Variants in DRC1 observed in about 807,000 individuals in gnomAD.
The protein encoded by DRC1 is dynein regulatory complex protein 1.
A neutral mutation model predicts 98.7 loss-of-function variants in DRC1; 74 were observed. The observed-to-expected ratio is 0.75, with a 90% CI of 0.62 to 0.91. The LOEUF is 0.91. DRC1 is among the 40% of genes least tolerant of loss of function. DRC1 has a pLI of 0.00. For missense variants in DRC1, 875 were observed against 886.0 expected (o/e 0.99, Z 0.16); for synonymous variants, 336 against 334.1 (o/e 1.01, Z -0.06).
intron 13 of DRC1, 88 bp from the exon 14 acceptor site, chr2:26,453,232 C>G (rs1272220867): frequency 3.3e-6 from 5 of 1,514,646 alleles, no homozygotes; most frequent in Non-Finnish European, 4.5e-6. Context: ...TTTCTGTAAA[C>G]TTTTCTGGTT....
intron 1 of DRC1, among the ~76,000 whole-genome samples, chr2:26,410,483 G>A (rs545432919): frequency 1.3e-5 from 2 of 152,114 alleles, no homozygotes; most frequent in South Asian, 2.1e-4. Context: ...TGTTGGCCAG[G>A]CTGGTCTCGA....
intron 2 of DRC1, among the ~76,000 whole-genome samples, chr2:26,420,185 T>G (rs533924873): frequency 6.6e-6 from 1 of 152,234 alleles, no homozygotes; most frequent in South Asian, 2.1e-4. Context: ...GTACACCTTT[T>G]CCCCTTAAAG....
At chr2:26,414,695 G>A (rs1157565824) in intron 2 of DRC1, among the ~76,000 whole-genome samples, 1 of 152,278 alleles carries the variant, frequency 6.6e-6, no homozygotes, top group African/African-American at 2.4e-5. Context: ...TAGCTTGGGC[G>A]CTCAAGGCCT....
intron 3 of DRC1, among the ~76,000 whole-genome samples, chr2:26,421,665 A>G (rs1663147400): frequency 6.8e-6 from 1 of 147,368 alleles, no homozygotes; most frequent in Admixed American, 7.0e-5. Context: ...GGTTCAAGTG[A>G]TTCTCCTGCC....
At position 26,456,607 on chromosome 2, in the gene DRC1, G is replaced by C; in HGVS notation, c.*90G>C. On this transcript the variant is annotated 3_prime_UTR_variant, in exon 17 of 17. Transcript: ENST00000288710. ...TCATATCACCCACTGGGCCGCACCT[G>C]GGCCTGCTCTCTGGATTTTCCAGGG... The C allele has an allele frequency of 4.7e-6, 7 of 1,499,810 alleles. No individual in the cohort carries two copies. Among genetic ancestry groups the C allele is most frequent in the South Asian group, 4.6e-5 (4 of 86,670 alleles). The allele number at this position is 1,499,810 out of a possible 1,614,324, so 92.9% of individuals were successfully genotyped here. A position where few individuals can be genotyped will look rare whatever the true frequency, so the allele number is the denominator to read the frequency against.
rs1298667996 is a variant in DRC1, at chr2:26,453,333, G to A, written c.1703G>A (p.Ser568Asn). ...ATCTTTCTCCAGATCAAGCCCTGCA[G>A]TCAGGCGAGCATGGAGAAGGCGAGC... ...LSSSLQIKPCSQASMEKASME... is the reference protein window; with the variant it reads ...LSSSLQIKPCNQASMEKASME... The change falls in exon 14 of 17, where the codon AGT becomes AAT. Residue 568 changes from serine to asparagine, a missense_variant. By Grantham distance (46) the Ser-to-Asn change is conservative. Transcript: ENST00000288710. The A allele has an allele frequency of 1.2e-6, 2 of 1,614,200 alleles. No individual in the cohort carries two copies. Among genetic ancestry groups the A allele is most frequent in the South Asian group, 2.2e-5 (2 of 91,088 alleles).
chr2:26,430,533 G>A, intron 5 of DRC1: 1 of 569,652 alleles, frequency 1.8e-6, no homozygotes, highest in Non-Finnish European at 3.4e-6. Context: ...CCCTGCCTCT[G>A]ATATTGACTA....
chr2:26,456,638 T>C lies in DRC1; in HGVS notation c.*121T>C, dbSNP rs1664185970. On this transcript the variant is annotated 3_prime_UTR_variant, in exon 17 of 17. Coordinates refer to ENST00000288710, the MANE Select transcript of DRC1 (RefSeq NM_145038.5). ...GCTCTCTGGATTTTCCAGGGCTGTC[T>C]TTATAGCCTGTCGAAATAAGGAGCC... is the stretch of plus-strand genomic sequence containing the variant. 2 of 1,163,166 alleles carry C rather than the reference T, an allele frequency of 1.7e-6. No homozygotes were observed. Among genetic ancestry groups the C allele is most frequent in the South Asian group, 1.4e-5 (1 of 72,216 alleles). The allele number at this position is 1,163,166 out of a possible 1,614,324, so 72.1% of individuals were successfully genotyped here.
chr2:26,429,840 T>C, intron 5 of DRC1, 75 bp downstream of exon 5: 1 of 1,506,270 alleles, frequency 6.6e-7, no homozygotes, highest in Non-Finnish European at 9.0e-7. Flanking sequence ...GTCCTAATAA[T>C]CTAAGGAGGG....
At chr2:26,452,101 A>G (rs1664021864) in intron 13 of DRC1, among the ~76,000 whole-genome samples, 1 of 152,234 alleles carries the variant, frequency 6.6e-6, no homozygotes, top group Admixed American at 6.5e-5. Flanking sequence ...CGCAAAAAAA[A>G]AAAAAGCTTG....
rs1443441360 is a variant in DRC1, at chr2:26,456,538, T to C, written c.*21T>C. ...AATGAGCTGGACCGCCAAAGGCTGA[T>C]GTGTTAGGGCTGGCCTGATGCTGGT... On this transcript the variant is annotated 3_prime_UTR_variant, in exon 17 of 17. Coordinates refer to ENST00000288710, the MANE Select transcript of DRC1 (RefSeq NM_145038.5). 1.2e-6 allele frequency: 2 copies of C among 1,613,950 alleles called. No individual in the cohort carries two copies. Among genetic ancestry groups the C allele is most frequent in the Non-Finnish European group, 1.7e-6 (2 of 1,179,952 alleles).
At chr2:26,435,829 C>T (rs896819262) in intron 7 of DRC1, among the ~76,000 whole-genome samples, 1 of 151,600 alleles carries the variant, frequency 6.6e-6, no homozygotes, top group African/African-American at 2.4e-5. Flanking sequence ...ATGGTGTATA[C>T]GTACCACATT....
At chr2:26,422,584 G>T (rs1337677980) in intron 3 of DRC1, among the ~76,000 whole-genome samples, 1 of 152,130 alleles carries the variant, frequency 6.6e-6, no homozygotes, top group African/African-American at 2.4e-5. Flanking sequence ...TTTAAGCTTT[G>T]GATTGTTCTT....
At position 26,454,770 on chromosome 2, in the gene DRC1, C is replaced by T. The variant is rs1365552743; in HGVS notation, c.2043C>T (p.Tyr681=). The T allele has an allele frequency of 6.2e-7, 1 of 1,614,050 alleles. No homozygotes were observed. Among genetic ancestry groups the T allele is most frequent in the South Asian group, 1.1e-5 (1 of 91,086 alleles). The change falls in exon 15 of 17, where the codon TAC becomes TAT. Residue 681 remains tyrosine (Y), a synonymous_variant. Transcript: ENST00000288710. This position sits in a 1 kb window ranked among gnomAD's most constrained non-coding sequence, Gnocchi z 5.2. ...SSKQNLWDAL[Y]TALEKYHLVL... The stretch of plus-strand genomic sequence containing the variant: ...AGCAGAACCTCTGGGATGCCCTCTA[C>T]ACAGCCTTGGAGAAGTACCAGTAAG...
intron 1 of DRC1, among the ~76,000 whole-genome samples, chr2:26,403,806 A>C (rs1158306787): frequency 1.3e-5 from 2 of 150,008 alleles, no homozygotes; most frequent in African/African-American, 4.9e-5. Context: ...AAAAAAAAAA[A>C]AAAAAAAAAT....
intron 7 of DRC1, among the ~76,000 whole-genome samples, chr2:26,434,234 T>C (rs1266207818): frequency 1.3e-5 from 2 of 152,186 alleles, no homozygotes; most frequent in Non-Finnish European, 2.9e-5. Flanking sequence ...AAAAAATGTC[T>C]TACTATTCAA....
intron 16 of DRC1, among the ~76,000 whole-genome samples, chr2:26,455,916 C>T (rs1006257595): frequency 1.1e-4 from 14 of 125,076 alleles, no homozygotes; most frequent in Admixed American, 9.1e-4. Context: ...CCAGGAAGGT[C>T]GTGACGCAGC....
At chr2:26,432,493 TGTGAGAAA>T (rs71925694) in intron 7 of DRC1, among the ~76,000 whole-genome samples, 3,821 of 143,642 alleles carry the variant, frequency 0.027, 143 homozygotes, top group African/African-American at 0.085. Context: ...AGCAAGACTT[TGTGAGAAA>T]GAGAGAAAGG....
chr2:26,450,932 T>C (rs1168642329), intron 13 of DRC1, among the ~76,000 whole-genome samples: 1 of 146,032 alleles, frequency 6.8e-6, no homozygotes, highest in African/African-American at 2.5e-5. Context: ...CCTGTGTCCA[T>C]GTGTTCTCAT....
Sources: allele counts gnomAD v4.1 joint callset (sites outside exome capture counted in the v4.1 genomes callset), GRCh38; gene constraint gnomAD v4.1.1; non-coding constraint Gnocchi (gnomAD v3.1); transcripts MANE v1.5; gene names NCBI Gene and HGNC (gene_info 2026-07-23, HGNC 2026-07-21).